Variants in CTNNA3 observed in about 807,000 individuals in gnomAD.
CTNNA3 encodes catenin alpha 3.
CTNNA3 carries 76 observed loss-of-function variants against 95.7 expected under a neutral mutation model. The ratio of observed to expected loss-of-function variants is 0.79; its 90% confidence interval spans 0.66 to 0.96. The LOEUF (loss-of-function observed/expected upper bound fraction) is 0.96. Ranked by LOEUF, CTNNA3 falls within the 40% of genes least tolerant of loss-of-function variation. The probability of loss-of-function intolerance (pLI) is 0.00; values close to 1 mark genes in which losing one functional copy is unlikely to be tolerated. For missense variants in CTNNA3, 1,191 were observed against 1,089.8 expected (o/e 1.09, Z -1.31); for synonymous variants, 431 against 374.4 (o/e 1.15, Z -1.74).
intron 13 of CTNNA3, among the ~76,000 whole-genome samples, chr10:66,109,834 C>T (rs1445302392): frequency 7.3e-5 from 11 of 150,476 alleles, no homozygotes; most frequent in African/African-American, 2.0e-4. Context: ...CAAACCTACA[C>T]GTTGTGCACA....
intron 5 of CTNNA3, among the ~76,000 whole-genome samples, chr10:67,466,199 T>C (rs1205038430): frequency 6.6e-6 from 1 of 152,218 alleles, no homozygotes; most frequent in African/African-American, 2.4e-5. Flanking sequence ...TTTCTAATTA[T>C]ATGTGATGCT....
At position 65,927,619 on chromosome 10, in the gene CTNNA3, C is replaced by T. The variant is rs150373026; in HGVS notation, c.2401-7002G>A. On this transcript the variant is annotated intron_variant, in intron 17 of 17. Transcript: ENST00000433211. ...TGTGTAAGCTTCACGTATGTTGCTGCATGTACCAGTAGTTTATTTTATTTA... is the reference window on the plus strand; with the variant it reads ...TGTGTAAGCTTCACGTATGTTGCTGTATGTACCAGTAGTTTATTTTATTTA... Among the ~76,000 whole-genome samples, 406 of 152,288 alleles carry T rather than the reference C, an allele frequency of 2.7e-3. 2 individuals are homozygous for T. Among genetic ancestry groups the T allele is most frequent in the African/African-American group, 8.9e-3 (368 of 41,560 alleles).
At chr10:66,674,205 A>G (rs1368238482) in intron 9 of CTNNA3, among the ~76,000 whole-genome samples, 1 of 152,026 alleles carries the variant, frequency 6.6e-6, no homozygotes, top group Non-Finnish European at 1.5e-5. Context: ...CATATGGGAT[A>G]ACTCCTTGGG....
At chr10:67,268,579 T>C (rs1866929349) in intron 5 of CTNNA3, among the ~76,000 whole-genome samples, 1 of 152,148 alleles carries the variant, frequency 6.6e-6, no homozygotes. Context: ...AATGAGACTT[T>C]TTAATAAGGT....
chr10:67,759,447 A>T (rs938230079), intron 1 of CTNNA3, among the ~76,000 whole-genome samples: 11 of 152,204 alleles, frequency 7.2e-5, no homozygotes, highest in Admixed American at 3.9e-4. Context: ...CCATACTTTG[A>T]TCACCTCTTG....
At chr10:67,622,500 A>G (rs1043474579) in intron 2 of CTNNA3, among the ~76,000 whole-genome samples, 4 of 152,202 alleles carry the variant, frequency 2.6e-5, no homozygotes, top group African/African-American at 9.6e-5. Context: ...ATAGGACAAA[A>G]GGTTTAGGAA....
chr10:67,446,465 T>A (rs1316230662), intron 5 of CTNNA3, among the ~76,000 whole-genome samples: 2 of 152,194 alleles, frequency 1.3e-5, no homozygotes, highest in Non-Finnish European at 2.9e-5. Context: ...CTGACCACTG[T>A]TCATAAGGTC....
chr10:66,028,620 A>G (rs1207362461), intron 15 of CTNNA3, among the ~76,000 whole-genome samples: 2 of 152,024 alleles, frequency 1.3e-5, no homozygotes, highest in Non-Finnish European at 2.9e-5. Context: ...GGGGAGGGAT[A>G]GCATTAGGAG....
chr10:67,371,851 TA>T (rs1843478118), intron 5 of CTNNA3, among the ~76,000 whole-genome samples: 1 of 152,244 alleles, frequency 6.6e-6, no homozygotes, highest in Admixed American at 6.5e-5. Context: ...ACCTACAGTA[TA>T]AAAGTGTTCC....
chr10:66,117,166 G>T (rs2082376825), intron 13 of CTNNA3, among the ~76,000 whole-genome samples: 1 of 152,040 alleles, frequency 6.6e-6, no homozygotes, highest in South Asian at 2.1e-4. Context: ...TGATATATGG[G>T]TTCCTTATCT....
chr10:65,999,084 A>T (rs1320654298), intron 15 of CTNNA3, among the ~76,000 whole-genome samples: 1 of 152,172 alleles, frequency 6.6e-6, no homozygotes, highest in Non-Finnish European at 1.5e-5. Context: ...TTGCTTTGTA[A>T]TAAAAAAATC....
intron 10 of CTNNA3, among the ~76,000 whole-genome samples, chr10:66,522,463 G>A (rs1030274579): frequency 3.9e-5 from 6 of 151,956 alleles, no homozygotes; most frequent in African/African-American, 1.5e-4. Context: ...CCTCCATGCT[G>A]TTCTTATGAT....
intron 12 of CTNNA3, among the ~76,000 whole-genome samples, chr10:66,320,900 T>C (rs548212943): frequency 1.3e-5 from 2 of 152,280 alleles, no homozygotes; most frequent in East Asian, 3.9e-4. Context: ...CCAAGAAATG[T>C]GTTGTTATCA....
At chr10:66,679,086 G>A (rs1564613390) in intron 9 of CTNNA3, among the ~76,000 whole-genome samples, 1 of 152,160 alleles carries the variant, frequency 6.6e-6, no homozygotes, top group Non-Finnish European at 1.5e-5. Flanking sequence ...CTAGCAGCAT[G>A]ATGTAGGATA....
intron 7 of CTNNA3, among the ~76,000 whole-genome samples, chr10:66,821,626 G>A (rs914066945): frequency 6.6e-6 from 1 of 152,142 alleles, no homozygotes; most frequent in African/African-American, 2.4e-5. Context: ...TGAGTCATAA[G>A]AGCAAATGAT....
intron 5 of CTNNA3, among the ~76,000 whole-genome samples, chr10:67,277,479 G>A (rs1356310331): frequency 6.6e-6 from 1 of 152,122 alleles, no homozygotes; most frequent in East Asian, 1.9e-4. Context: ...AATCTCCTTG[G>A]CAGCATGGTA....
intron 7 of CTNNA3, among the ~76,000 whole-genome samples, chr10:66,796,856 T>A (rs1043634011): frequency 2.6e-5 from 4 of 152,060 alleles, no homozygotes; most frequent in African/African-American, 9.7e-5. Flanking sequence ...AAAACTGATC[T>A]CAGCAAGATG....
intron 13 of CTNNA3, among the ~76,000 whole-genome samples, chr10:66,175,913 C>T (rs566922438): frequency 1.3e-5 from 2 of 152,316 alleles, no homozygotes; most frequent in South Asian, 2.1e-4. Context: ...GCGCTGACAA[C>T]TCTACAATAG....
chr10:67,269,560 T>A (rs1408335000), intron 5 of CTNNA3, among the ~76,000 whole-genome samples: 1 of 152,116 alleles, frequency 6.6e-6, no homozygotes, highest in Non-Finnish European at 1.5e-5. Flanking sequence ...CTCCTGTCCA[T>A]CTAAAGGAGG....
Sources: gnomAD v4.1 joint callset for allele counts (sites outside exome capture counted in the v4.1 genomes callset) on GRCh38, gnomAD v4.1.1 for gene constraint, MANE v1.5 for transcripts, NCBI Gene and HGNC (gene_info 2026-07-23, HGNC 2026-07-21) for gene names.